Variants in RBL1 observed in about 807,000 individuals in gnomAD.
RBL1 encodes RB transcriptional corepressor like 1.
Under a neutral mutation model 123.0 loss-of-function variants are expected in RBL1, and 82 were observed. That is an observed-to-expected ratio of 0.67 (90% CI 0.56 to 0.80). The LOEUF is 0.80. Among genes scored for constraint, RBL1 ranks in the 30% least tolerant of loss-of-function variants. The pLI is 0.00. For synonymous variants in RBL1, 405 were observed against 441.3 expected (o/e 0.92, Z 1.03); for missense variants, 1,171 against 1,299.6 (o/e 0.90, Z 1.52).
At chr20:37,001,069 G>A (rs1312874394) in intron 21 of RBL1, among the ~76,000 whole-genome samples, 9 of 147,740 alleles carry the variant, frequency 6.1e-5, no homozygotes, top group African/African-American at 2.2e-4. Flanking sequence ...ATCCGGGAGG[G>A]AGGCGGGGAG....
At chr20:37,053,314 T>C (rs185354851) in intron 11 of RBL1, among the ~76,000 whole-genome samples, 2 of 152,344 alleles carry the variant, frequency 1.3e-5, no homozygotes, top group East Asian at 3.9e-4. Flanking sequence ...GGCCACTGTA[T>C]GAAATTTACA....
intron 12 of RBL1, among the ~76,000 whole-genome samples, chr20:37,045,247 C>T (rs2064802658): frequency 6.6e-6 from 1 of 152,018 alleles, no homozygotes; most frequent in Non-Finnish European, 1.5e-5. Context: ...GCTGGGACTA[C>T]AGGCACGTGC....
chr20:37,069,754 G>A (rs928873739), intron 2 of RBL1, among the ~76,000 whole-genome samples: 12 of 151,398 alleles, frequency 7.9e-5, no homozygotes, highest in Non-Finnish European at 1.6e-4. Context: ...GGTGGGGGGG[G>A]TCAGCCCCCC....
At chr20:37,000,675 A>G (rs1241276116) in intron 21 of RBL1, among the ~76,000 whole-genome samples, 94 of 73,292 alleles carry the variant, frequency 1.3e-3, no homozygotes, top group African/African-American at 2.6e-3. Flanking sequence ...TACTGGGAAG[A>G]GAGGAGCCCC....
chr20:37,067,372 A>G (rs141043169), intron 3 of RBL1, 75 bp from the exon 4 acceptor site: 519 of 1,093,978 alleles, frequency 4.7e-4, no homozygotes, highest in Admixed American at 7.3e-4. Context: ...GTAAATGTAA[A>G]TATCAAATAG....
intron 19 of RBL1, among the ~76,000 whole-genome samples, chr20:37,015,725 C>T (rs769585463): frequency 1.3e-5 from 2 of 150,328 alleles, no homozygotes; most frequent in Non-Finnish European, 3.0e-5. Context: ...CCACCGCACC[C>T]GGGCTTGTTT....
intron 2 of RBL1, among the ~76,000 whole-genome samples, chr20:37,079,940 T>G (rs909721851): frequency 1.3e-5 from 2 of 152,120 alleles, no homozygotes; most frequent in Non-Finnish European, 2.9e-5. Context: ...AAACATCAAT[T>G]TCAAGACTTG....
At chr20:37,064,679 A>G (rs902667686) in intron 7 of RBL1, among the ~76,000 whole-genome samples, 6 of 151,930 alleles carry the variant, frequency 3.9e-5, no homozygotes, top group Admixed American at 3.3e-4. Flanking sequence ...GCATGATCTC[A>G]GCTCACTGCA....
intron 11 of RBL1, among the ~76,000 whole-genome samples, chr20:37,050,762 G>A (rs1187691578): frequency 1.3e-5 from 2 of 151,688 alleles, no homozygotes; most frequent in African/African-American, 4.8e-5. Flanking sequence ...GGGCAAGTCT[G>A]TGGGAATGAC....
chr20:37,012,476 C>A lies in RBL1; in HGVS notation c.2723-4917G>T, dbSNP rs1322074801. Among the ~76,000 whole-genome samples the A allele has an allele frequency of 7.9e-3, 1,187 of 150,866 alleles. 13 individuals carry two copies. The highest frequency in any genetic ancestry group is 0.028 in the African/African-American group (1,138 of 41,114). ...GAAGTGAGGAGCGTCTCTGCCCGGC[C>A]GCCCATCGTCTGAGATGTGGGGAGC... On this transcript the variant is annotated intron_variant, in intron 19 of 21. Coordinates refer to ENST00000373664, the MANE Select transcript of RBL1 (RefSeq NM_002895.5).
chr20:37,026,553 A>G (rs934510545), intron 16 of RBL1, among the ~76,000 whole-genome samples: 2 of 152,008 alleles, frequency 1.3e-5, no homozygotes, highest in African/African-American at 4.8e-5. Context: ...AAAATACAAA[A>G]ATTAGCCGGG....
intron 7 of RBL1, among the ~76,000 whole-genome samples, chr20:37,063,395 T>C (rs2065127195): frequency 6.6e-6 from 1 of 152,076 alleles, no homozygotes; most frequent in African/African-American, 2.4e-5. Flanking sequence ...ATGCCTGTAA[T>C]CCTAGCACTT....
At chr20:37,049,891 C>T (rs1855060599) in intron 11 of RBL1, among the ~76,000 whole-genome samples, 1 of 151,538 alleles carries the variant, frequency 6.6e-6, no homozygotes, top group Non-Finnish European at 1.5e-5. Context: ...GGAGAAACCC[C>T]GTCTCTACAA....
chr20:36,998,233 T>A lies in RBL1; in HGVS notation c.*526A>T, dbSNP rs2063909651. The A allele has an allele frequency of 6.6e-6, 1 of 151,766 alleles. No homozygotes were observed. Among genetic ancestry groups the A allele is most frequent in the Non-Finnish European group, 1.5e-5 (1 of 67,956 alleles). 9.4% of individuals were successfully genotyped at this position (151,766 alleles called of 1,614,324 possible). The stretch of plus-strand genomic sequence containing the variant: ...AAAAAATTCCCTATTTATATATATA[T>A]ATATATTTTTTGAGATGGAGTTTTA... On this transcript the variant is annotated 3_prime_UTR_variant, in exon 22 of 22. Coordinates refer to ENST00000373664, the MANE Select transcript of RBL1 (RefSeq NM_002895.5).
chr20:37,005,166 TGGGA>T (rs759141953), intron 20 of RBL1, among the ~76,000 whole-genome samples: 19 of 151,534 alleles, frequency 1.3e-4, no homozygotes, highest in Admixed American at 4.6e-4. Context: ...CCCAACACTT[TGGGA>T]GGCTGAGGCG....
At chr20:37,062,423 T>G (rs370372041) in intron 7 of RBL1, among the ~76,000 whole-genome samples, 153 bp from the exon 8 acceptor site, 60 of 152,266 alleles carry the variant, frequency 3.9e-4, no homozygotes, top group African/African-American at 1.4e-3. Context: ...GGGTCCTACC[T>G]GATTATGGAC....
chr20:37,059,414 G>A (rs902772679), intron 9 of RBL1, among the ~76,000 whole-genome samples: 9 of 152,176 alleles, frequency 5.9e-5, no homozygotes, highest in Non-Finnish European at 1.3e-4. Context: ...AGTCAGGGAC[G>A]TCTAGGTATA....
chr20:37,067,633 G>T (rs918474761), intron 3 of RBL1, among the ~76,000 whole-genome samples: 2 of 151,642 alleles, frequency 1.3e-5, no homozygotes, highest in Non-Finnish European at 2.9e-5. Context: ...AGCCAGACGG[G>T]GTGGTGCACA....
rs144674441 is a variant in RBL1, at chr20:37,055,989, G to A, written c.1363+157C>T. ...TTGAACCTGGGAGGAGGAGGTTGCA[G>A]TGAGTCGAGATCATGCCATTGCACT... On this transcript the variant is annotated intron_variant, in intron 10 of 21. Coordinates refer to ENST00000373664, the MANE Select transcript of RBL1 (RefSeq NM_002895.5). Among the ~76,000 whole-genome samples, 197 of 151,996 alleles carry A rather than the reference G, an allele frequency of 1.3e-3. 1 individual carries two copies. Among genetic ancestry groups the A allele is most frequent in the African/African-American group, 4.6e-3 (192 of 41,474 alleles).
Sources: allele counts gnomAD v4.1 joint callset (sites outside exome capture counted in the v4.1 genomes callset), GRCh38; gene constraint gnomAD v4.1.1; transcripts MANE v1.5; gene names NCBI Gene and HGNC (gene_info 2026-07-23, HGNC 2026-07-21).